ZNF141: variants seen among roughly 807,000 people sequenced by gnomAD.
ZNF141 encodes the protein zinc finger protein 141 (clone pHZ-44).
In ZNF141, 7 loss-of-function variants were observed where a neutral mutation model predicts 11.3. The observed-to-expected ratio is 0.62, with a 90% CI of 0.35 to 1.16. The LOEUF (loss-of-function observed/expected upper bound fraction) is 1.16. Ranked by LOEUF, ZNF141 falls within the 50% of genes most tolerant of loss-of-function variation. The pLI is 0.02. For synonymous variants in ZNF141, 183 were observed against 190.7 expected (o/e 0.96, Z 0.33); for missense variants, 535 against 554.0 (o/e 0.97, Z 0.34).
At chr4:352,149 A>G (rs1721633785) in intron 3 of ZNF141, among the ~76,000 whole-genome samples, 1 of 152,140 alleles carries the variant, frequency 6.6e-6, no homozygotes, top group Non-Finnish European at 1.5e-5. Context: ...GCACTTTGGG[A>G]GGCCGAGACG....
rs1712749774 is a variant in ZNF141, at chr4:383,348, A to G, written c.*9486A>G. On this transcript the variant is annotated 3_prime_UTR_variant, in exon 4 of 4. Transcript: ENST00000240499. ...CGGGATTGTTATGCAGTTATAAGTT[A>G]GTAATATATACACCCATTAAAGACA... 1.8e-6 allele frequency: 1 copy of G among 563,054 alleles called. No individual in the cohort carries two copies. 34.9% of individuals were successfully genotyped at this position (563,054 alleles called of 1,614,324 possible).
Position 375,681 on chromosome 4 carries a change from C to T in ZNF141, c.*1819C>T, listed in dbSNP as rs1553854483. Among the ~76,000 whole-genome samples, 1 of 151,906 alleles carries T rather than the reference C, an allele frequency of 6.6e-6. No homozygotes were observed. The highest frequency in any genetic ancestry group is 2.4e-5 in the African/African-American group (1 of 41,392). On this transcript the variant is annotated 3_prime_UTR_variant, in exon 4 of 4. Transcript: ENST00000240499. ...ATACTACATTTAAAGTATATTTTTT[C>T]ACTTGAAAAAAGTATAGATTTTTTG...
chr4:364,438 G>A (rs1271544088), intron 3 of ZNF141, among the ~76,000 whole-genome samples: 1 of 152,118 alleles, frequency 6.6e-6, no homozygotes, highest in Admixed American at 6.6e-5. Context: ...ATGTGTCCAG[G>A]AATTTATCCA....
intron 3 of ZNF141, among the ~76,000 whole-genome samples, chr4:371,609 G>C (rs1224641768): frequency 6.7e-6 from 1 of 150,288 alleles, no homozygotes; most frequent in Non-Finnish European, 1.5e-5. Flanking sequence ...GCATGATCTC[G>C]GCTCACTGCA....
At chr4:356,922 T>C (rs1273618256) in intron 3 of ZNF141, among the ~76,000 whole-genome samples, 3 of 152,130 alleles carry the variant, frequency 2.0e-5, no homozygotes, top group Admixed American at 6.5e-5. Flanking sequence ...GAGACTTACA[T>C]GAAACCTCTC....
rs1169393673 is a variant in ZNF141, at chr4:378,806, A to G, written c.*4944A>G. The stretch of plus-strand genomic sequence containing the variant: ...TGGAAAAAAATTTGAAGATTATGGC[A>G]GCTGTTGAATCCAAACAGTTTCTCA... On this transcript the variant is annotated 3_prime_UTR_variant, in exon 4 of 4. Transcript: ENST00000240499. 6.8e-6 allele frequency among the ~76,000 whole-genome samples: 1 copy of G among 146,880 alleles called. No homozygotes were observed. The highest frequency in any genetic ancestry group is 1.5e-5 in the Non-Finnish European group (1 of 67,132).
In ZNF141 at chr4:344,232, A is replaced by G. The variant is rs1384207257; in HGVS notation, c.131-103A>G. The G allele has an allele frequency of 2.7e-6, 3 of 1,097,922 alleles. No individual in the cohort carries two copies. The Admixed American group carries it at 8.0e-5, about 29-fold the overall frequency. 68.0% of individuals were successfully genotyped at this position (1,097,922 alleles called of 1,614,324 possible). A position where few individuals can be genotyped will look rare whatever the true frequency, so the allele number is the denominator to read the frequency against. On this transcript the variant is annotated intron_variant, in intron 2 of 3. Transcript: ENST00000240499. The stretch of plus-strand genomic sequence containing the variant: ...GAAACAATTTTTGGATTAATTTTCT[A>G]GAATCTTCCATAATATCTCTATTCT...
intron 3 of ZNF141, among the ~76,000 whole-genome samples, chr4:372,043 C>T (rs1458527440): frequency 6.6e-6 from 1 of 152,210 alleles, no homozygotes; most frequent in Non-Finnish European, 1.5e-5. Flanking sequence ...GATGTGTCCT[C>T]TCTGGAATTT....
At chr4:369,764 A>ATATATTTTT in intron 3 of ZNF141, among the ~76,000 whole-genome samples, 6 of 48,724 alleles carry the variant, frequency 1.2e-4, no homozygotes, top group African/African-American at 8.5e-4. Flanking sequence ...ATATATATAT[A>ATATATTTTT]TTTTTTTTTT....
intron 3 of ZNF141, among the ~76,000 whole-genome samples, chr4:363,774 C>CA (rs199636214): frequency 6.7e-6 from 1 of 148,642 alleles, no homozygotes; most frequent in African/African-American, 2.5e-5. Context: ...AAAAAAAAGG[C>CA]GGGGGGGAAT....
At chr4:346,824 C>T (rs1225980889) in intron 3 of ZNF141, among the ~76,000 whole-genome samples, 1 of 147,442 alleles carries the variant, frequency 6.8e-6, no homozygotes, top group African/African-American at 2.6e-5. Flanking sequence ...TGAATAGTGT[C>T]CTGTGTATGT....
chr4:354,809 A>G (rs1553850999), intron 3 of ZNF141, among the ~76,000 whole-genome samples: 1 of 152,026 alleles, frequency 6.6e-6, no homozygotes, highest in Non-Finnish European at 1.5e-5. Context: ...GTTCAGAAGC[A>G]TGTTGTTTAA....
intron 1 of ZNF141, among the ~76,000 whole-genome samples, chr4:339,245 C>G (rs182615769): frequency 5.4e-4 from 82 of 152,366 alleles, no homozygotes; most frequent in Non-Finnish European, 9.4e-4. Flanking sequence ...TAGCAGGAAT[C>G]TGTTTTCTTC....
Position 373,553 on chromosome 4 carries a change from T to C in ZNF141, c.1116T>C (p.Cys372=). Reference sequence around the variant, plus strand: ...AGCGGCCCTACAAATGTGATGAATGTGGCAAAGCCTTTGGACGGTCCAGGG... The same window carrying C: ...AGCGGCCCTACAAATGTGATGAATGCGGCAAAGCCTTTGGACGGTCCAGGG... ...TGERPYKCDE[C]GKAFGRSRVL... is the part of the protein sequence containing the mutation. Residue 372 remains cysteine (C), a synonymous_variant, in exon 4 of 4, where the codon TGT becomes TGC. Coordinates refer to ENST00000240499, the MANE Select transcript of ZNF141 (RefSeq NM_003441.4). The C allele has an allele frequency of 6.2e-7, 1 of 1,613,962 alleles. No homozygotes were observed.
Position 337,831 on chromosome 4 carries a change from C to G in ZNF141, c.-153C>G. 1.0e-6 allele frequency: 1 copy of G among 991,098 alleles called. No individual in the cohort carries two copies. The highest frequency in any genetic ancestry group is 1.3e-5 in the South Asian group (1 of 77,414). The allele number at this position is 991,098 out of a possible 1,614,324, so 61.4% of individuals were successfully genotyped here. A position where few individuals can be genotyped will look rare whatever the true frequency, so the allele number is the denominator to read the frequency against. On this transcript the variant is annotated 5_prime_UTR_variant, in exon 1 of 4. Transcript: ENST00000240499. ...TGGCGCGGGTCTTTGCGTCTGGCTA[C>G]TACCAGACCGCGGGTTAGGGGCTTC...
At chr4:341,745 G>T (rs1290921065) in intron 1 of ZNF141, among the ~76,000 whole-genome samples, 1 of 152,170 alleles carries the variant, frequency 6.6e-6, no homozygotes, top group African/African-American at 2.4e-5. Context: ...TCACAGAACT[G>T]ATTAATAGAG....
At position 381,120 on chromosome 4, in the gene ZNF141, A is replaced by T. The variant is rs559361885; in HGVS notation, c.*7258A>T. Among the ~76,000 whole-genome samples the T allele has an allele frequency of 6.6e-6, 1 of 152,196 alleles. No individual in the cohort carries two copies. The highest frequency in any genetic ancestry group is 1.5e-5 in the Non-Finnish European group (1 of 68,038). ...TAAATATTATTTACTACAAACTCAC[A>T]TAGTACATTATGACTTTATTACTGT... On this transcript the variant is annotated 3_prime_UTR_variant, in exon 4 of 4. Transcript: ENST00000240499.
rs148142322 is a variant in ZNF141, at chr4:377,671, A to G, written c.*3809A>G. Reference sequence around the variant, plus strand: ...TTGAGATAAGAGTAATTCACTATCAACAGGTAAGAGGATTAAGTCAGTTGG... The same window carrying G: ...TTGAGATAAGAGTAATTCACTATCAGCAGGTAAGAGGATTAAGTCAGTTGG... On this transcript the variant is annotated 3_prime_UTR_variant, in exon 4 of 4. Transcript: ENST00000240499. Among the ~76,000 whole-genome samples the G allele has an allele frequency of 6.6e-6, 1 of 152,024 alleles. No homozygotes were observed. Among genetic ancestry groups the G allele is most frequent in the African/African-American group, 2.4e-5 (1 of 41,334 alleles).
Position 376,656 on chromosome 4 carries a change from T to G in ZNF141, c.*2794T>G, listed in dbSNP as rs1488019936. Among the ~76,000 whole-genome samples, 1 of 152,128 alleles carries G rather than the reference T, an allele frequency of 6.6e-6. No homozygotes were observed. The highest frequency in any genetic ancestry group is 2.4e-5 in the African/African-American group (1 of 41,454). On this transcript the variant is annotated 3_prime_UTR_variant, in exon 4 of 4. Transcript: ENST00000240499. ...TTACATGAAGTTAAGTATGTAAATG[T>G]GTTGCTGTAAAGATAAACCTTAGGT...
Sources: allele counts gnomAD v4.1 joint callset (sites outside exome capture counted in the v4.1 genomes callset), GRCh38; gene constraint gnomAD v4.1.1; transcripts MANE v1.5; gene names NCBI Gene and HGNC (gene_info 2026-07-23, HGNC 2026-07-21).